Variants in VPS33A observed in about 807,000 individuals in gnomAD.
The protein encoded by VPS33A is VPS33A core subunit of CORVET and HOPS complexes.
VPS33A carries 32 observed loss-of-function variants against 71.8 expected under a neutral mutation model. That is an observed-to-expected ratio of 0.45 (90% CI 0.34 to 0.60). VPS33A has a LOEUF of 0.60. Among genes scored for constraint, VPS33A ranks in the 20% least tolerant of loss-of-function variants. The pLI, the probability that VPS33A is intolerant of heterozygous loss-of-function variation, is 0.02. For synonymous variants in VPS33A, 311 were observed against 292.7 expected (o/e 1.06, Z -0.64); for missense variants, 625 against 748.5 (o/e 0.84, Z 1.92).
At chr12:122,249,556 A>G (rs1328968553) in intron 6 of VPS33A, 2 of 191,340 alleles carry the variant, frequency 1.0e-5, no homozygotes, top group Non-Finnish European at 2.1e-5. Context: ...GTACTCAACC[A>G]CTGAGATTGT....
intron 5 of VPS33A, 173 bp downstream of exon 5, chr12:122,250,810 G>C: frequency 1.7e-6 from 1 of 571,514 alleles, no homozygotes; most frequent in Non-Finnish European, 3.1e-6. Flanking sequence ...AAAGCACCAT[G>C]AGTACTGACT....
At position 122,237,299 on chromosome 12, in the gene VPS33A, T is replaced by C. The variant is rs558458522; in HGVS notation, c.1302+1288A>G. Among the ~76,000 whole-genome samples, 7 of 152,260 alleles carry C rather than the reference T, an allele frequency of 4.6e-5. No individual in the cohort carries two copies. The East Asian group carries it at 9.7e-4, about 21-fold the overall frequency. Reference sequence around the variant, plus strand: ...TGGTATAACTGCGGAGTTAAGAACATGGGCGCTACACTCAAATTGCCTGGT... The same window carrying C: ...TGGTATAACTGCGGAGTTAAGAACACGGGCGCTACACTCAAATTGCCTGGT... On this transcript the variant is annotated intron_variant, in intron 10 of 12. Transcript: ENST00000267199.
intron 8 of VPS33A, 43 bp from the exon 9 acceptor site, chr12:122,239,988 T>C: frequency 6.9e-7 from 1 of 1,444,622 alleles, no homozygotes; most frequent in South Asian, 1.1e-5. Flanking sequence ...AATTAAATGT[T>C]AATTTACTTG....
chr12:122,238,524 T>C (rs1954660303), intron 10 of VPS33A, 63 bp downstream of exon 10: 1 of 1,557,600 alleles, frequency 6.4e-7, no homozygotes, highest in African/African-American at 1.4e-5. Context: ...GCCCGGCCCA[T>C]GAAGTATTTT....
intron 12 of VPS33A, 94 bp from the exon 13 acceptor site, chr12:122,232,521 A>G (rs1954576668): frequency 7.7e-7 from 1 of 1,294,606 alleles, no homozygotes; most frequent in African/African-American, 1.5e-5. Flanking sequence ...AGAATAAACA[A>G]GTGCCTTCAT....
rs369080338 is a variant in VPS33A, at chr12:122,261,863, A to G, written c.297-416T>C. 1.1e-4 allele frequency among the ~76,000 whole-genome samples: 16 copies of G among 152,242 alleles called. 1 individual carries two copies. In the South Asian group the frequency reaches 2.9e-3, roughly 28 times the overall value. ...TAAAAATACAAAAAATTAGCCGGGC[A>G]TGGTGGCAGGCACCTGTAATCCCAG... On this transcript the variant is annotated intron_variant, in intron 3 of 12. Transcript: ENST00000267199.
rs1435175066 is a variant in VPS33A, at chr12:122,239,926, A to G, written c.1116T>C (p.Asp372=). 3.5e-5 allele frequency: 57 copies of G among 1,613,486 alleles called. No individual in the cohort carries two copies. The highest frequency in any genetic ancestry group is 4.6e-5 in the Non-Finnish European group (54 of 1,179,796). The part of the protein sequence containing the change: ...KDVTTSEDFF[D]KLTVEQEFMS... Reference sequence around the variant, plus strand: ...TAAACTCCTGTTCCACGGTTAATTTATCAAAAAAGTCTTCAGAAGCTAAAA... The same window carrying G: ...TAAACTCCTGTTCCACGGTTAATTTGTCAAAAAAGTCTTCAGAAGCTAAAA... Residue 372 remains aspartate (D), a synonymous_variant, in exon 9 of 13, where the codon GAT becomes GAC. Coordinates refer to ENST00000267199, the MANE Select transcript of VPS33A (RefSeq NM_022916.6).
In VPS33A at chr12:122,238,629, G is replaced by A. The variant is rs1468192939; in HGVS notation, c.1260C>T (p.Leu420=). The A allele has an allele frequency of 6.2e-7, 1 of 1,611,642 alleles. No individual in the cohort carries two copies. Among genetic ancestry groups the A allele is most frequent in the African/African-American group, 1.3e-5 (1 of 74,792 alleles). The stretch of plus-strand genomic sequence containing the variant: ...TGTAATAATCCAAAACTTTTTGTTT[G>A]AGCCCACTATTACACACGGATTGGA... ...VCLQSVCNSG[L]KQKVLDYYKR... The change falls in exon 10 of 13, where the codon CTC becomes CTT. Residue 420 remains leucine, a synonymous_variant. Transcript: ENST00000267199.
At position 122,232,898 on chromosome 12, in the gene VPS33A, G is replaced by C. The variant is rs1954582836; in HGVS notation, c.1511C>G (p.Ser504Cys). Residue 504 changes from serine (S) to cysteine (C), a missense_variant, in exon 12 of 13, where the codon TCC becomes TGC. Physicochemically the swap from Ser to Cys is moderately radical, Grantham distance 112 (BLOSUM62 -1). Transcript: ENST00000267199. ...CTCGATGCTCCGCCAGCCAGGCCGG[G>C]AAAGCAGCTGGGCCAGCCGCACACT... Reference protein sequence around the residue: ...PLSVRLAQLLSRPGWRSIEEV... With the variant: ...PLSVRLAQLLCRPGWRSIEEV... 1.2e-6 allele frequency: 2 copies of C among 1,613,924 alleles called. No homozygotes were observed. Among genetic ancestry groups the C allele is most frequent in the Non-Finnish European group, 1.7e-6 (2 of 1,180,022 alleles).
chr12:122,237,637 G>A (rs1251881482), intron 10 of VPS33A, among the ~76,000 whole-genome samples: 3 of 137,144 alleles, frequency 2.2e-5, no homozygotes, highest in Admixed American at 7.4e-5. Flanking sequence ...TCCGCCTCCC[G>A]GGTTCACGCC....
At chr12:122,259,370 C>G (rs1954963077) in intron 4 of VPS33A, among the ~76,000 whole-genome samples, 1 of 152,066 alleles carries the variant, frequency 6.6e-6, no homozygotes, top group South Asian at 2.1e-4. Flanking sequence ...CAGGCATGCG[C>G]CATCATGCCT....
rs759599758 is a variant in VPS33A, at chr12:122,232,409, C to A, written c.1628G>T (p.Arg543Leu). Residue 543 changes from arginine to leucine, a missense_variant, in exon 13 of 13, where the codon CGA becomes CTA. By Grantham distance (102) the Arg-to-Leu change is moderately radical. Coordinates refer to ENST00000267199, the MANE Select transcript of VPS33A (RefSeq NM_022916.6). ...CCCAAGGAAAAATATCAGAGTCACT[C>A]GGTTTTCTCCCGGTTGACCTAAAAT... is the stretch of plus-strand genomic sequence containing the variant. ...LQKKRQPGEN[R>L]VTLIFFLGGV... 1.2e-6 allele frequency: 2 copies of A among 1,611,946 alleles called. No homozygotes were observed. The highest frequency in any genetic ancestry group is 1.1e-5 in the South Asian group (1 of 90,352).
At position 122,258,728 on chromosome 12, in the gene VPS33A, C is replaced by T. The variant is rs142980105; in HGVS notation, c.483+2533G>A. On this transcript the variant is annotated intron_variant, in intron 4 of 12. Transcript: ENST00000267199. ...AGGCATGGTGGCTCACGCCTGTAAT[C>T]GCAGCACTTTGGGAGGCTGAGATAG... Among the ~76,000 whole-genome samples the T allele has an allele frequency of 3.0e-3, 457 of 152,106 alleles. 5 individuals carry two copies. The highest frequency in any genetic ancestry group is 0.01 in the African/African-American group (429 of 41,432).
rs200143325 is a variant in VPS33A at position 122,251,060 on chromosome 12, C to A, written c.523G>T (p.Ala175Ser). The change falls in exon 5 of 13, where the codon GCA becomes TCA. Residue 175 changes from alanine (A) to serine (S), a missense_variant. Ala to Ser is a moderately conservative substitution (Grantham distance 99). Coordinates refer to ENST00000267199, the MANE Select transcript of VPS33A (RefSeq NM_022916.6). The part of the protein sequence containing the change: ...LEGDQTSLYH[A>S]AKGLMTLQAL... ...TGCAGGGTCATCAGCCCCTTGGCTG[C>A]GTGGTACAGGCTCGTCTGGTCACCC... 1.2e-6 allele frequency: 2 copies of A among 1,614,154 alleles called. No individual in the cohort carries two copies. The highest frequency in any genetic ancestry group is 4.5e-5 in the East Asian group (2 of 44,882).
chr12:122,231,279 TG>T lies in VPS33A; in HGVS notation c.*966del. 6.6e-6 allele frequency: 1 copy of T among 152,228 alleles called. No homozygotes were observed. Among genetic ancestry groups the T allele is most frequent in the East Asian group, 1.9e-4 (1 of 5,202 alleles). 9.4% of individuals were successfully genotyped at this position (152,228 alleles called of 1,614,324 possible). On this transcript the variant is annotated 3_prime_UTR_variant, in exon 13 of 13. Transcript: ENST00000267199. ...CCATGTCAAAAGCCCCTGATAAGTATGGAACCTAAGGAGATGTAGCTGATCA... is the reference window on the plus strand; with the variant it reads ...CCATGTCAAAAGCCCCTGATAAGTATGAACCTAAGGAGATGTAGCTGATCA...
chr12:122,264,076 G>C (rs1240813797), intron 2 of VPS33A, 58 bp downstream of exon 2: 1 of 1,379,736 alleles, frequency 7.2e-7, no homozygotes, highest in Non-Finnish European at 9.9e-7. Flanking sequence ...AAATCCTATT[G>C]TAACTGCTAA....
intron 4 of VPS33A, among the ~76,000 whole-genome samples, chr12:122,254,548 A>G (rs1237823829): frequency 1.3e-5 from 2 of 151,752 alleles, no homozygotes; most frequent in Non-Finnish European, 2.9e-5. Flanking sequence ...GATTACAGGC[A>G]TGCACCACCA....
At chr12:122,246,290 TTTTATTTA>T (rs138644669) in intron 6 of VPS33A, among the ~76,000 whole-genome samples, 3 of 150,836 alleles carry the variant, frequency 2.0e-5, no homozygotes, top group Non-Finnish European at 3.0e-5. Context: ...CTCTCTCTTA[TTTTATTTA>T]TTTATTTATT....
chr12:122,252,959 C>T (rs1954864855), intron 4 of VPS33A: 1 of 152,070 alleles, frequency 6.6e-6, no homozygotes, highest in Non-Finnish European at 1.5e-5. Flanking sequence ...CAATTCCCTC[C>T]ACCCCTACCA....
Sources: gnomAD v4.1 joint callset for allele counts (sites outside exome capture counted in the v4.1 genomes callset) on GRCh38, gnomAD v4.1.1 for gene constraint, MANE v1.5 for transcripts, NCBI Gene and HGNC (gene_info 2026-07-23, HGNC 2026-07-21) for gene names.